The following HECW2 variants were observed in gnomAD, a reference collection of about 807,000 sequenced individuals.
The protein encoded by HECW2 is E3 ubiquitin-protein ligase HECW2.
HECW2 carries 61 observed loss-of-function variants against 175.2 expected under a neutral mutation model. That is an observed-to-expected ratio of 0.35 (90% CI 0.28 to 0.43). HECW2 has a LOEUF of 0.43. Ranked by LOEUF, HECW2 falls within the 20% of genes least tolerant of loss-of-function variation. HECW2 has a pLI of 1.00. For missense variants in HECW2, 1,524 were observed against 2,000.5 expected (o/e 0.76, Z 4.54); for synonymous variants, 671 against 731.0 (o/e 0.92, Z 1.32).
chr2:196,583,568 G>A (rs1402256629), intron 1 of HECW2, among the ~76,000 whole-genome samples: 5 of 152,160 alleles, frequency 3.3e-5, no homozygotes, highest in African/African-American at 1.2e-4. Flanking sequence ...GAATAGCAAG[G>A]AGTTAGAAGA....
intron 1 of HECW2, among the ~76,000 whole-genome samples, chr2:196,450,424 C>G (rs1046230443): frequency 2.6e-5 from 4 of 151,986 alleles, no homozygotes; most frequent in African/African-American, 7.2e-5. Flanking sequence ...CATGTTCAAC[C>G]ACCATTGTCT....
chr2:196,322,207 T>C (rs1185524209), intron 7 of HECW2, among the ~76,000 whole-genome samples: 1 of 152,192 alleles, frequency 6.6e-6, no homozygotes, highest in Admixed American at 6.5e-5. Flanking sequence ...TCCAATATAC[T>C]GAGAGACAAT....
chr2:196,318,599 T>A lies in HECW2; in HGVS notation c.2291A>T (p.Gln764Leu). The change falls in exon 9 of 29, where the codon CAA becomes CTA. Residue 764 changes from glutamine to leucine, a missense_variant. Around this residue, in one of 11 missense-constraint regions of HECW2, gnomAD observed 604 missense variants for 588.3 expected, o/e 1.03. Transcript: ENST00000644978. ...GGCAGTTGCCCCTTCACAGGTGCCT[T>A]GGGCCTCCCCAGCACTGCCTTCTTC... ...PQEEGSAGEA[Q>L]GTCEGATAQE... 3.9e-6 allele frequency: 6 copies of A among 1,550,308 alleles called. No individual in the cohort carries two copies. The highest frequency in any genetic ancestry group is 5.2e-6 in the Non-Finnish European group (6 of 1,148,990).
chr2:196,240,586 A>G (rs1173527917), intron 20 of HECW2, 24 bp from the exon 21 acceptor site: 9 of 1,558,240 alleles, frequency 5.8e-6, no homozygotes, highest in Non-Finnish European at 7.8e-6. Context: ...GACAATTTAG[A>G]AAATACAAAT....
At chr2:196,265,143 C>T (rs561090866) in intron 17 of HECW2, among the ~76,000 whole-genome samples, 39 of 152,200 alleles carry the variant, frequency 2.6e-4, no homozygotes, top group South Asian at 2.5e-3. Flanking sequence ...CTGTAGGAAA[C>T]AATGTGACAG....
chr2:196,562,861 T>C (rs180884824), intron 1 of HECW2, among the ~76,000 whole-genome samples: 2 of 152,156 alleles, frequency 1.3e-5, no homozygotes, highest in East Asian at 3.9e-4. Flanking sequence ...CTCAGCAATA[T>C]AGCAAGACCC....
At chr2:196,291,141 CTGCT>C (rs1690587995) in intron 14 of HECW2, 1 of 152,064 alleles carries the variant, frequency 6.6e-6, no homozygotes, top group African/African-American at 2.4e-5. Context: ...AAAGTTCCCT[CTGCT>C]AGAGGGAACT....
intron 1 of HECW2, among the ~76,000 whole-genome samples, chr2:196,439,666 A>G (rs903957773): frequency 2.6e-5 from 4 of 152,212 alleles, no homozygotes; most frequent in Admixed American, 6.5e-5. Flanking sequence ...AGAATTTAAG[A>G]AACTTGGCCA....
chr2:196,536,615 C>T (rs1362654692), intron 1 of HECW2, among the ~76,000 whole-genome samples: 1 of 152,070 alleles, frequency 6.6e-6, no homozygotes, highest in Non-Finnish European at 1.5e-5. Flanking sequence ...GTTCCCAGAC[C>T]CCCTCCAAGG....
intron 13 of HECW2, among the ~76,000 whole-genome samples, chr2:196,304,665 A>T (rs1022115445): frequency 9.9e-5 from 15 of 152,008 alleles, no homozygotes; most frequent in African/African-American, 3.6e-4. Context: ...TTAAAGCATG[A>T]TTTTTTTCTG....
intron 21 of HECW2, among the ~76,000 whole-genome samples, chr2:196,237,605 T>G (rs1252307437): frequency 6.6e-6 from 1 of 152,226 alleles, no homozygotes; most frequent in South Asian, 2.1e-4. Context: ...GATGGACTTT[T>G]GGGCTGGTTC....
chr2:196,423,817 T>C (rs568492927), intron 2 of HECW2, among the ~76,000 whole-genome samples: 7 of 152,104 alleles, frequency 4.6e-5, no homozygotes, highest in Non-Finnish European at 1.0e-4. Flanking sequence ...GGAATCCAGA[T>C]ATCTCTTCTG....
At chr2:196,590,423 A>G (rs1691147012) in intron 1 of HECW2, among the ~76,000 whole-genome samples, 3 of 152,162 alleles carry the variant, frequency 2.0e-5, no homozygotes, top group Admixed American at 2.0e-4. Flanking sequence ...GTTTTCACCC[A>G]ATGCTGCCAT....
At chr2:196,460,800 T>C (rs1272993590) in intron 1 of HECW2, among the ~76,000 whole-genome samples, 1 of 131,488 alleles carries the variant, frequency 7.6e-6, no homozygotes, top group Non-Finnish European at 1.6e-5. Context: ...TTTTTTTTTT[T>C]TTTTTGGAGA....
At chr2:196,348,228 A>AT (rs1341121348) in intron 2 of HECW2, among the ~76,000 whole-genome samples, 3 of 152,080 alleles carry the variant, frequency 2.0e-5, no homozygotes, top group African/African-American at 7.2e-5. Context: ...TTGTTCATGG[A>AT]TTTTTTTGTA....
intron 16 of HECW2, among the ~76,000 whole-genome samples, chr2:196,272,627 A>C (rs79410344): frequency 6.6e-6 from 1 of 152,122 alleles, no homozygotes; most frequent in East Asian, 1.9e-4. Flanking sequence ...CATATTGCCT[A>C]TAACATATCT....
intron 1 of HECW2, among the ~76,000 whole-genome samples, chr2:196,491,505 C>G (rs1022916501): frequency 2.0e-5 from 2 of 101,042 alleles, no homozygotes; most frequent in Non-Finnish European, 3.5e-5. Context: ...TATATATACA[C>G]ACACACACAC....
intron 1 of HECW2, among the ~76,000 whole-genome samples, chr2:196,519,832 T>A (rs1688288104): frequency 6.6e-6 from 1 of 152,206 alleles, no homozygotes; most frequent in Admixed American, 6.5e-5. Context: ...TTAGTTTTAA[T>A]CTCCATTCTA....
At chr2:196,364,784 C>T (rs1693698842) in intron 2 of HECW2, among the ~76,000 whole-genome samples, 1 of 152,108 alleles carries the variant, frequency 6.6e-6, no homozygotes, top group African/African-American at 2.4e-5. Flanking sequence ...AATTATGACA[C>T]ATGCTACAAA....
Sources: gnomAD v4.1 joint callset for allele counts (sites outside exome capture counted in the v4.1 genomes callset) on GRCh38, gnomAD v4.1.1 for gene constraint, gnomAD v4.1.1 regional missense constraint, MANE v1.5 for transcripts, NCBI Gene and HGNC (gene_info 2026-07-23, HGNC 2026-07-21) for gene names.